MAGI1: variants seen among roughly 807,000 people sequenced by gnomAD.
The protein encoded by MAGI1 is membrane-associated guanylate kinase, WW and PDZ domain-containing protein 1.
A neutral mutation model predicts 139.9 loss-of-function variants in MAGI1; 58 were observed. That is an observed-to-expected ratio of 0.41 (90% confidence interval 0.34 to 0.52). The LOEUF (loss-of-function observed/expected upper bound fraction) is 0.52, where lower values mean the gene tolerates loss of function less well. Ranked by LOEUF, MAGI1 falls within the 20% of genes least tolerant of loss-of-function variation. The pLI, the probability that MAGI1 is intolerant of heterozygous loss-of-function variation, is 0.12. For missense variants in MAGI1, 1,874 were observed against 1,901.6 expected, an observed-to-expected ratio of 0.99 and a Z score of 0.27; for synonymous variants, 812 against 737.9, an observed-to-expected ratio of 1.10 and a Z score of -1.63.
chr3:65,463,557 A>AATGTGTGTGT (rs1341883819), intron 5 of MAGI1, among the ~76,000 whole-genome samples: 1 of 88,274 alleles, frequency 1.1e-5, no homozygotes, highest in African/African-American at 4.9e-5. Context: ...ATTGGCCTGA[A>AATGTGTGTGT]ATGTGTGTGT....
At chr3:65,982,681 T>C (rs966575249) in intron 1 of MAGI1, among the ~76,000 whole-genome samples, 2 of 152,128 alleles carry the variant, frequency 1.3e-5, no homozygotes, top group African/African-American at 2.4e-5. Context: ...GGTCTGGTAA[T>C]AGGGCTCATG....
rs746141287 is a variant in MAGI1, at chr3:65,379,247, C to T, written c.2995+14G>A. On this transcript the variant is annotated intron_variant, in intron 17 of 22. Transcript: ENST00000402939. ...TGGTGGGAAACCCTGGGTAATTTCA[C>T]GTTCAGCACTCACCAAAGGTCGTGC... is the stretch of plus-strand genomic sequence containing the variant. 1.9e-6 allele frequency: 3 copies of T among 1,610,102 alleles called. No homozygotes were observed. The highest frequency in any genetic ancestry group is 1.1e-5 in the South Asian group (1 of 90,228).
chr3:65,527,696 G>C (rs1271113364), intron 2 of MAGI1, among the ~76,000 whole-genome samples: 1 of 152,092 alleles, frequency 6.6e-6, no homozygotes, highest in East Asian at 1.9e-4. Context: ...CTGTACTCCA[G>C]CCTGGGCAAC....
intron 9 of MAGI1, among the ~76,000 whole-genome samples, chr3:65,437,577 C>G (rs4352325): frequency 1 from 151,772 of 152,260 alleles, 75,643 homozygotes; most frequent in Middle Eastern, 1. Flanking sequence ...TTTCTCTAAT[C>G]TGATTCAGAC....
intron 1 of MAGI1, among the ~76,000 whole-genome samples, chr3:65,870,172 C>A (rs929225560): frequency 1.4e-4 from 21 of 151,906 alleles, no homozygotes; most frequent in Admixed American, 1.3e-3. Flanking sequence ...GATCAGTAAA[C>A]AAACACAGGA....
intron 1 of MAGI1, among the ~76,000 whole-genome samples, chr3:66,016,239 G>C (rs1325445751): frequency 6.6e-6 from 1 of 152,156 alleles, no homozygotes; most frequent in Non-Finnish European, 1.5e-5. Context: ...TCCATGCCGA[G>C]AGTTGACTGC....
chr3:65,835,396 A>G (rs532806331), intron 1 of MAGI1, among the ~76,000 whole-genome samples: 2 of 152,220 alleles, frequency 1.3e-5, no homozygotes, highest in Non-Finnish European at 2.9e-5. Flanking sequence ...AAATAGTGTT[A>G]AAGGGGCCAC....
intron 1 of MAGI1, among the ~76,000 whole-genome samples, chr3:65,804,551 G>A (rs767997071): frequency 3.3e-5 from 5 of 151,710 alleles, no homozygotes; most frequent in Non-Finnish European, 7.4e-5. Context: ...ATCAAGTTTA[G>A]CCTAAAGCTG....
intron 1 of MAGI1, among the ~76,000 whole-genome samples, chr3:65,910,086 G>C (rs533377219): frequency 1.3e-5 from 2 of 152,146 alleles, no homozygotes; most frequent in Non-Finnish European, 2.9e-5. Context: ...TCTGCTGTTC[G>C]GCTCAGTTCC....
At chr3:66,005,043 A>G (rs1379112075) in intron 1 of MAGI1, among the ~76,000 whole-genome samples, 1 of 152,248 alleles carries the variant, frequency 6.6e-6, no homozygotes, top group Non-Finnish European at 1.5e-5. Flanking sequence ...CTGCTGAATT[A>G]TAATTCCAAA....
intron 5 of MAGI1, among the ~76,000 whole-genome samples, chr3:65,463,316 T>C (rs1371456183): frequency 6.6e-6 from 1 of 151,992 alleles, no homozygotes; most frequent in Non-Finnish European, 1.5e-5. Context: ...CATGAAAGGG[T>C]GTTGAATATT....
At chr3:65,537,113 C>A (rs762263502) in intron 2 of MAGI1, among the ~76,000 whole-genome samples, 6 of 152,188 alleles carry the variant, frequency 3.9e-5, no homozygotes, top group African/African-American at 7.2e-5. Flanking sequence ...CCAACCTACG[C>A]TGTCTAACCT....
chr3:65,921,426 A>G (rs1460258719), intron 1 of MAGI1, among the ~76,000 whole-genome samples: 1 of 151,308 alleles, frequency 6.6e-6, no homozygotes, highest in East Asian at 1.9e-4. Context: ...CTCCCATCTC[A>G]GCCTCCCGAG....
intron 1 of MAGI1, among the ~76,000 whole-genome samples, chr3:65,899,827 C>T (rs1223482249): frequency 6.6e-6 from 1 of 152,104 alleles, no homozygotes; most frequent in East Asian, 1.9e-4. Context: ...TTAAGGAACC[C>T]AAATTAAAAT....
At chr3:65,489,866 A>AG (rs1362962149) in intron 3 of MAGI1, among the ~76,000 whole-genome samples, 1 of 152,224 alleles carries the variant, frequency 6.6e-6, no homozygotes. Flanking sequence ...CTTTTGCTGT[A>AG]GGAACTATTC....
chr3:65,891,910 A>ATG (rs2060778878), intron 1 of MAGI1, among the ~76,000 whole-genome samples: 2 of 82,576 alleles, frequency 2.4e-5, no homozygotes, highest in African/African-American at 1.0e-4. Context: ...ATATATATAT[A>ATG]TATATATATA....
At chr3:65,905,603 A>G (rs1220857573) in intron 1 of MAGI1, among the ~76,000 whole-genome samples, 1 of 152,132 alleles carries the variant, frequency 6.6e-6, no homozygotes, top group East Asian at 1.9e-4. Flanking sequence ...CAGTCTCCCA[A>G]GGAGCTAGGA....
At chr3:65,418,788 C>G (rs982136981) in intron 12 of MAGI1, among the ~76,000 whole-genome samples, 4 of 152,194 alleles carry the variant, frequency 2.6e-5, no homozygotes, top group African/African-American at 9.6e-5. Context: ...ACCCCAATCC[C>G]TATCCCACCT....
chr3:65,383,743 T>A (rs1943238214), intron 14 of MAGI1, 120 bp from the exon 15 acceptor site: 1 of 712,614 alleles, frequency 1.4e-6, no homozygotes, highest in South Asian at 1.6e-5. Context: ...AGATTTTCAA[T>A]ATAGGCAAAG....
Sources: allele counts gnomAD v4.1 joint callset (sites outside exome capture counted in the v4.1 genomes callset), GRCh38; gene constraint gnomAD v4.1.1; transcripts MANE v1.5; gene names NCBI Gene and HGNC (gene_info 2026-07-23, HGNC 2026-07-21).